Variants in TOR1AIP2 observed in about 807,000 individuals in gnomAD.
The protein encoded by TOR1AIP2 is torsin-1A-interacting protein 2.
Under a neutral mutation model 32.6 loss-of-function variants are expected in TOR1AIP2, and 20 were observed. The observed-to-expected ratio is 0.61, with a 90% CI of 0.43 to 0.89. The LOEUF is 0.89. TOR1AIP2 is among the 40% of genes least tolerant of loss of function. The probability of loss-of-function intolerance (pLI) is 0.00; values close to 1 mark genes in which losing one functional copy is unlikely to be tolerated. For synonymous variants in TOR1AIP2, 214 were observed against 210.8 expected (o/e 1.02, Z -0.13); for missense variants, 456 against 553.8 (o/e 0.82, Z 1.77).
intron 5 of TOR1AIP2, among the ~76,000 whole-genome samples, chr1:179,848,783 C>T (rs894251855): frequency 1.3e-5 from 2 of 152,074 alleles, no homozygotes; most frequent in African/African-American, 4.8e-5. Context: ...CATTACTTAA[C>T]CTATCATGAA....
chr1:179,849,160 A>T (rs1010767246), intron 5 of TOR1AIP2, among the ~76,000 whole-genome samples: 2 of 152,172 alleles, frequency 1.3e-5, no homozygotes, highest in African/African-American at 2.4e-5. Context: ...AAAGAGATAT[A>T]GCTAAGTTGA....
Position 179,841,825 on chromosome 1 carries a change from C to G in TOR1AIP2, c.*4246G>C, listed in dbSNP as rs1214624899. 6.6e-6 allele frequency: 1 copy of G among 152,232 alleles called. No homozygotes were observed. Among genetic ancestry groups the G allele is most frequent in the African/African-American group, 2.4e-5 (1 of 41,464 alleles). 9.4% of individuals were successfully genotyped at this position (152,232 alleles called of 1,614,324 possible). On this transcript the variant is annotated 3_prime_UTR_variant, in exon 7 of 7. Coordinates refer to ENST00000609928, the MANE Select transcript of TOR1AIP2 (RefSeq NM_001199260.2). Reference sequence around the variant, plus strand: ...GTGAAGATCATCTGAATAATGATCACTTTCACATGCCATATTAGTTATATT... The same window carrying G: ...GTGAAGATCATCTGAATAATGATCAGTTTCACATGCCATATTAGTTATATT...
intron 3 of TOR1AIP2, chr1:179,862,050 G>A (rs1169350928): frequency 3.0e-6 from 3 of 985,120 alleles, no homozygotes; most frequent in African/African-American, 3.5e-5. Context: ...AGCAACCTGA[G>A]GAATCAAAAT....
At chr1:179,865,280 T>C in intron 3 of TOR1AIP2, 156 bp downstream of exon 3, 1 of 1,405,908 alleles carries the variant, frequency 7.1e-7, no homozygotes. Context: ...CGTTTACCAA[T>C]TTCTTAGTTC....
chr1:179,847,864 T>C (rs909852910), intron 5 of TOR1AIP2, among the ~76,000 whole-genome samples: 1 of 152,046 alleles, frequency 6.6e-6, no homozygotes, highest in Admixed American at 6.6e-5. Flanking sequence ...TGAAACCCTG[T>C]CTCTACTAAA....
rs752303472 is a variant in TOR1AIP2, at chr1:179,847,550, C to T, written c.640G>A (p.Gly214Ser). The change falls in exon 6 of 7, where the codon GGT (glycine) becomes AGT (serine). Residue 214 changes from glycine (G) to serine (S), a missense_variant. Gly to Ser is a moderately conservative substitution (Grantham distance 56). Coordinates refer to ENST00000609928, the MANE Select transcript of TOR1AIP2 (RefSeq NM_001199260.2). ...QDTMRQINKK[G>S]FWSYGPVILV... ...TTGTTCTCACCATAGCTCCAAAAAC[C>T]CTTTTTATTAATCTGTCTCATGGTG... 1.2e-6 allele frequency: 2 copies of T among 1,613,678 alleles called. No homozygotes were observed. The highest frequency in any genetic ancestry group is 1.7e-5 in the Admixed American group (1 of 59,990).
intron 3 of TOR1AIP2, chr1:179,862,422 C>T: frequency 1.0e-6 from 1 of 985,130 alleles, no homozygotes; most frequent in Non-Finnish European, 1.2e-6. Context: ...TAGTGATAAA[C>T]TAACTAGTCT....
chr1:179,870,348 A>G (rs2762857), intron 2 of TOR1AIP2, among the ~76,000 whole-genome samples: 17,129 of 152,058 alleles, frequency 0.11, 1,647 homozygotes, highest in African/African-American at 0.26. Flanking sequence ...GCAGTGAGCC[A>G]AGATCGCGCC....
intron 3 of TOR1AIP2, chr1:179,861,352 A>G: frequency 1.0e-6 from 1 of 985,460 alleles, no homozygotes; most frequent in African/African-American, 1.7e-5. Context: ...GACATACTAG[A>G]AAGACCTAAG....
chr1:179,847,702 A>C, intron 5 of TOR1AIP2, 66 bp from the exon 6 acceptor site: 1 of 1,053,462 alleles, frequency 9.5e-7, no homozygotes, highest in Non-Finnish European at 1.5e-6. Flanking sequence ...ATACCTTTAT[A>C]TCTCTCACCA....
At chr1:179,862,463 TC>T (rs1696580931) in intron 3 of TOR1AIP2, 7 of 985,416 alleles carry the variant, frequency 7.1e-6, no homozygotes, top group Non-Finnish European at 7.2e-6. Context: ...CATAGTTTAT[TC>T]AGCAATATAA....
intron 2 of TOR1AIP2, chr1:179,874,138 C>G (rs540202571): frequency 1.3e-5 from 2 of 152,360 alleles, no homozygotes; most frequent in South Asian, 4.1e-4. Flanking sequence ...CTAGCATTAC[C>G]TGGGAGCTTG....
chr1:179,853,169 T>C (rs1479972739), intron 3 of TOR1AIP2, among the ~76,000 whole-genome samples: 1 of 152,256 alleles, frequency 6.6e-6, no homozygotes, highest in Non-Finnish European at 1.5e-5. Flanking sequence ...GCAGATTTCC[T>C]GGATGTCTTC....
At chr1:179,870,548 T>A (rs1425043264) in intron 2 of TOR1AIP2, among the ~76,000 whole-genome samples, 1 of 152,186 alleles carries the variant, frequency 6.6e-6, no homozygotes, top group Non-Finnish European at 1.5e-5. Context: ...GTAACTTTTT[T>A]CCAATCCCAC....
Position 179,852,245 on chromosome 1 carries a change from A to C in TOR1AIP2, c.34+387T>G, listed in dbSNP as rs901089918. On this transcript the variant is annotated intron_variant, in intron 4 of 6. Coordinates refer to ENST00000609928, the MANE Select transcript of TOR1AIP2 (RefSeq NM_001199260.2). ...CAGTGAGCTGAGATCACGCCACTGCACTCCAGCCTGGGTAACATAAAAAAA... is the reference window on the plus strand; with the variant it reads ...CAGTGAGCTGAGATCACGCCACTGCCCTCCAGCCTGGGTAACATAAAAAAA... Among the ~76,000 whole-genome samples, 5 of 150,606 alleles carry C rather than the reference A, an allele frequency of 3.3e-5. No individual in the cohort carries two copies. In the East Asian group the frequency reaches 7.8e-4, roughly 24 times the overall value.
At chr1:179,849,715 C>T (rs1417626525) in intron 5 of TOR1AIP2, among the ~76,000 whole-genome samples, 1 of 152,178 alleles carries the variant, frequency 6.6e-6, no homozygotes, top group Non-Finnish European at 1.5e-5. Flanking sequence ...ACTCAGCTTC[C>T]CAAGTAACTG....
At chr1:179,865,179 G>A in intron 3 of TOR1AIP2, 2 of 1,590,848 alleles carry the variant, frequency 1.3e-6, no homozygotes, top group Non-Finnish European at 1.7e-6. Context: ...GAAAACATCT[G>A]GACCTAGAAA....
intron 2 of TOR1AIP2, among the ~76,000 whole-genome samples, chr1:179,867,010 G>A (rs181113209): frequency 6.6e-6 from 1 of 152,090 alleles, no homozygotes; most frequent in South Asian, 2.1e-4. Context: ...GATCCTATGA[G>A]AGTAATAAGA....
intron 2 of TOR1AIP2, chr1:179,874,322 G>A (rs1322169549): frequency 2.0e-5 from 3 of 152,330 alleles, no homozygotes; most frequent in African/African-American, 7.2e-5. Context: ...ACTGAGGTGG[G>A]AGGATCGCTT....
Sources: gnomAD v4.1 joint callset for allele counts (sites outside exome capture counted in the v4.1 genomes callset) on GRCh38, gnomAD v4.1.1 for gene constraint, MANE v1.5 for transcripts, NCBI Gene and HGNC (gene_info 2026-07-23, HGNC 2026-07-21) for gene names.